IGSF10: variants seen among roughly 807,000 people sequenced by gnomAD.
IGSF10 encodes calvaria mechanical force protein 608.
IGSF10 carries 126 observed loss-of-function variants against 128.2 expected under a neutral mutation model. The observed-to-expected ratio is 0.98, with a 90% CI of 0.85 to 1.14. The LOEUF is 1.14. Ranked by LOEUF, IGSF10 falls within the 50% of genes most tolerant of loss-of-function variation. The pLI is 0.00. For missense variants in IGSF10, 3,295 were observed against 3,149.8 expected, an observed-to-expected ratio of 1.05 and a Z score of -1.10; for synonymous variants, 1,185 against 1,146.2, an observed-to-expected ratio of 1.03 and a Z score of -0.68.
At chr3:151,479,805 G>A in the IGSF10 span, among the ~76,000 whole-genome samples, 1 of 152,098 alleles carries the variant, frequency 6.6e-6, no homozygotes, top group African/African-American at 2.4e-5. Flanking sequence ...CTATAAATAT[G>A]GAATATAATT....
the IGSF10 span, among the ~76,000 whole-genome samples, chr3:151,516,257 G>C: frequency 6.6e-6 from 1 of 152,068 alleles, no homozygotes; most frequent in African/African-American, 2.4e-5. Context: ...CTCCCTGGAA[G>C]ATGATGACAT....
the IGSF10 span, among the ~76,000 whole-genome samples, chr3:151,611,203 A>G: frequency 2.4e-4 from 37 of 152,326 alleles, no homozygotes; most frequent in African/African-American, 8.9e-4. Flanking sequence ...ATGTTCAAAG[A>G]AACCTTACAA....
At chr3:151,558,027 A>ATTATATATATATATTATATATATTATAT in the IGSF10 span, among the ~76,000 whole-genome samples, 1 of 52,928 alleles carries the variant, frequency 1.9e-5, no homozygotes. Flanking sequence ...TAATATATAT[A>ATTATATATATATATTATATATATTATAT]TTGGTACAAT....
At chr3:151,579,855 G>T in the IGSF10 span, among the ~76,000 whole-genome samples, 1 of 115,086 alleles carries the variant, frequency 8.7e-6, no homozygotes, top group African/African-American at 3.3e-5. Flanking sequence ...AGGAAGGGAG[G>T]AGGGAGGAAG....
the IGSF10 span, among the ~76,000 whole-genome samples, chr3:151,576,503 C>T: frequency 6.6e-6 from 1 of 152,156 alleles, no homozygotes; most frequent in Non-Finnish European, 1.5e-5. Flanking sequence ...ATTCTCCTTA[C>T]ATTTAATCAA....
At chr3:151,606,138 T>A in the IGSF10 span, among the ~76,000 whole-genome samples, 1 of 152,238 alleles carries the variant, frequency 6.6e-6, no homozygotes, top group Non-Finnish European at 1.5e-5. Context: ...GCCACCTGTC[T>A]AAACATGCAC....
At chr3:151,500,119 A>G in the IGSF10 span, among the ~76,000 whole-genome samples, 1 of 152,188 alleles carries the variant, frequency 6.6e-6, no homozygotes, top group South Asian at 2.1e-4. Context: ...AGCCAACTCA[A>G]CTTCTTAGGA....
rs1721273567 is a variant in IGSF10 at position 151,447,615 on chromosome 3, A to G, written c.2366T>C (p.Ile789Thr). ...TGAGGAATCGTCTTCTTCACCAGGT[A>G]TGTTTGGGAGTTGGGTGACCACTGG... is the stretch of plus-strand genomic sequence containing the variant. ...PPPVVTQLPN[I>T]PGEEDDSSGM... The change falls in exon 6 of 8, where the codon ATA becomes ACA. Residue 789 changes from isoleucine to threonine, a missense_variant. Physicochemically the swap from Ile to Thr is moderately conservative, Grantham distance 89. Transcript: ENST00000282466. 4 of 1,614,100 alleles carry G rather than the reference A, an allele frequency of 2.5e-6. No homozygotes were observed. Among genetic ancestry groups the G allele is most frequent in the African/African-American group, 2.7e-5 (2 of 75,032 alleles).
At chr3:151,577,070 G>A in the IGSF10 span, among the ~76,000 whole-genome samples, 6 of 152,156 alleles carry the variant, frequency 3.9e-5, no homozygotes, top group East Asian at 3.9e-4. Context: ...CTATGACATC[G>A]GGTCTGTCAT....
the IGSF10 span, among the ~76,000 whole-genome samples, chr3:151,586,845 A>G: frequency 6.6e-6 from 1 of 152,178 alleles, no homozygotes; most frequent in Non-Finnish European, 1.5e-5. Flanking sequence ...ATACAATGGA[A>G]TGGCATTATA....
the IGSF10 span, among the ~76,000 whole-genome samples, chr3:151,581,981 G>A: frequency 1.3e-5 from 2 of 151,992 alleles, no homozygotes; most frequent in East Asian, 1.9e-4. Flanking sequence ...CATGAGAATC[G>A]CTTGAACCCG....
the IGSF10 span, among the ~76,000 whole-genome samples, chr3:151,606,894 C>T: frequency 6.6e-6 from 1 of 152,264 alleles, no homozygotes; most frequent in African/African-American, 2.4e-5. Context: ...TTGACTAAGA[C>T]AGTTTGTTAA....
the IGSF10 span, among the ~76,000 whole-genome samples, chr3:151,501,626 G>T: frequency 6.6e-6 from 1 of 152,056 alleles, no homozygotes; most frequent in South Asian, 2.1e-4. Context: ...TGCTGAGTTG[G>T]TGGTTTGGCC....
chr3:151,554,628 T>A, the IGSF10 span, among the ~76,000 whole-genome samples: 805 of 152,306 alleles, frequency 5.3e-3, no homozygotes, highest in Non-Finnish European at 9.2e-3. Context: ...ATTAAACATG[T>A]ATTTTTATCA....
At chr3:151,591,382 C>A in the IGSF10 span, among the ~76,000 whole-genome samples, 12 of 142,118 alleles carry the variant, frequency 8.4e-5, no homozygotes, top group Non-Finnish European at 1.4e-4. Flanking sequence ...AATTATTTTA[C>A]ATATATAAAA....
chr3:151,452,299 C>G (rs965533259), intron 5 of IGSF10, among the ~76,000 whole-genome samples: 10 of 152,148 alleles, frequency 6.6e-5, no homozygotes, highest in African/African-American at 1.9e-4. Context: ...TTACACAAAC[C>G]TAGATAGTAT....
chr3:151,530,797 C>G, the IGSF10 span, among the ~76,000 whole-genome samples: 1 of 152,144 alleles, frequency 6.6e-6, no homozygotes, highest in Non-Finnish European at 1.5e-5. Flanking sequence ...TATGAAGAAA[C>G]GGCATCAACT....
At chr3:151,435,428 A>C (rs1720038130), downstream of IGSF10, 1 of 152,290 alleles carries the variant, frequency 6.6e-6, no homozygotes, top group Non-Finnish European at 1.5e-5. Context: ...CTAACATCAG[A>C]CATAAGTTGC....
the IGSF10 span, among the ~76,000 whole-genome samples, chr3:151,577,573 T>C: frequency 6.6e-6 from 1 of 152,260 alleles, no homozygotes; most frequent in East Asian, 1.9e-4. Flanking sequence ...AAAAACTACA[T>C]ATCATATTAA....
Sources: allele counts gnomAD v4.1 joint callset (sites outside exome capture counted in the v4.1 genomes callset), GRCh38; gene constraint gnomAD v4.1.1; transcripts MANE v1.5; gene names NCBI Gene and HGNC (gene_info 2026-07-23, HGNC 2026-07-21).